The following NTNG1 variants were observed in gnomAD, a reference collection of about 807,000 sequenced individuals.
NTNG1 encodes netrin-G1.
A neutral mutation model predicts 54.0 loss-of-function variants in NTNG1; 16 were observed. The ratio of observed to expected loss-of-function variants is 0.30; its 90% confidence interval spans 0.20 to 0.45. NTNG1 has a LOEUF of 0.45. Ranked by LOEUF, NTNG1 falls within the 20% of genes least tolerant of loss-of-function variation. The pLI, the probability that NTNG1 is intolerant of heterozygous loss-of-function variation, is 1.00. For missense variants in NTNG1, 530 were observed against 678.7 expected, an observed-to-expected ratio of 0.78 and a Z score of 2.43; for synonymous variants, 255 against 263.1, an observed-to-expected ratio of 0.97 and a Z score of 0.30.
rs773974169 is a variant in NTNG1 at position 107,440,631 on chromosome 1, G to A, written c.1390+3832G>A. Among the ~76,000 whole-genome samples the A allele has an allele frequency of 1.2e-4, 19 of 152,092 alleles. No individual in the cohort carries two copies. In the East Asian group the frequency reaches 1.3e-3, roughly 11 times the overall value. Reference sequence around the variant, plus strand: ...CAAGAATCCATGTTCAAAAGCTTTCGTGCAATGTTACTGTAGAACTTGTTG... The same window carrying A: ...CAAGAATCCATGTTCAAAAGCTTTCATGCAATGTTACTGTAGAACTTGTTG... On this transcript the variant is annotated intron_variant, in intron 7 of 7. Transcript: ENST00000370068.
intron 3 of NTNG1, among the ~76,000 whole-genome samples, chr1:107,339,544 C>T (rs911661359): frequency 3.3e-5 from 5 of 151,988 alleles, no homozygotes; most frequent in African/African-American, 7.2e-5. Context: ...TCTGTTAATA[C>T]CATGCAGACA....
intron 3 of NTNG1, among the ~76,000 whole-genome samples, chr1:107,385,733 G>A (rs1350564269): frequency 6.6e-6 from 1 of 151,902 alleles, no homozygotes; most frequent in Non-Finnish European, 1.5e-5. Flanking sequence ...TAAGGAACTT[G>A]CCTAAAACTT....
intron 2 of NTNG1, among the ~76,000 whole-genome samples, chr1:107,154,266 GA>G (rs1321115226): frequency 1.3e-5 from 2 of 151,988 alleles, no homozygotes; most frequent in Admixed American, 1.3e-4. Context: ...CCAAATGCCA[GA>G]AAAGGAGAGA....
intron 2 of NTNG1, among the ~76,000 whole-genome samples, chr1:107,323,104 GAAA>G (rs758878388): frequency 7.6e-6 from 1 of 131,604 alleles, no homozygotes; most frequent in Non-Finnish European, 1.7e-5. Context: ...ACAGTATATG[GAAA>G]AAAAAAAAAA....
chr1:107,205,097 G>T (rs933361984), intron 2 of NTNG1, among the ~76,000 whole-genome samples: 1 of 152,158 alleles, frequency 6.6e-6, no homozygotes, highest in African/African-American at 2.4e-5. Context: ...CCCCAGAAGT[G>T]TCTCACTCTC....
chr1:107,257,361 T>C (rs1662997539), intron 2 of NTNG1, among the ~76,000 whole-genome samples: 1 of 152,216 alleles, frequency 6.6e-6, no homozygotes, highest in African/African-American at 2.4e-5. Flanking sequence ...TTTTGATATG[T>C]GTCCTTCCAA....
At chr1:107,226,029 T>C (rs1454619414) in intron 2 of NTNG1, among the ~76,000 whole-genome samples, 1 of 152,146 alleles carries the variant, frequency 6.6e-6, no homozygotes, top group African/African-American at 2.4e-5. Context: ...CTCATCTGTA[T>C]TTATAGACAA....
rs1251854756 is a variant in NTNG1 at position 107,484,890 on chromosome 1, G to A, written c.*4050G>A. Reference sequence around the variant, plus strand: ...TTGTTAAACACTAAATAAAATACCTGTTTAACAGATTCTCTGCTCACAGGA... The same window carrying A: ...TTGTTAAACACTAAATAAAATACCTATTTAACAGATTCTCTGCTCACAGGA... On this transcript the variant is annotated 3_prime_UTR_variant, in exon 8 of 8. Transcript: ENST00000370068. Among the ~76,000 whole-genome samples the A allele has an allele frequency of 6.6e-6, 1 of 152,212 alleles. No homozygotes were observed. Among genetic ancestry groups the A allele is most frequent in the Non-Finnish European group, 1.5e-5 (1 of 68,028 alleles).
At chr1:107,166,401 C>T (rs1237395424) in intron 2 of NTNG1, among the ~76,000 whole-genome samples, 1 of 152,116 alleles carries the variant, frequency 6.6e-6, no homozygotes, top group Admixed American at 6.6e-5. Context: ...TAATATACTA[C>T]CATCGTTTCT....
chr1:107,203,582 G>A (rs1287072501), intron 2 of NTNG1, among the ~76,000 whole-genome samples: 1 of 151,152 alleles, frequency 6.6e-6, no homozygotes, highest in African/African-American at 2.4e-5. Flanking sequence ...TACTGTGTGT[G>A]TGTGTGTGTA....
At chr1:107,263,253 A>G (rs575746451) in intron 2 of NTNG1, among the ~76,000 whole-genome samples, 1 of 151,652 alleles carries the variant, frequency 6.6e-6, no homozygotes, top group East Asian at 1.9e-4. Flanking sequence ...AAAAGCTAAT[A>G]ACAGTTCTAG....
chr1:107,407,923 C>T, intron 5 of NTNG1: 1 of 723,516 alleles, frequency 1.4e-6, no homozygotes, highest in Non-Finnish European at 2.6e-6. Context: ...CATGGCAGTG[C>T]TATGACTTTT....
intron 7 of NTNG1, among the ~76,000 whole-genome samples, chr1:107,438,321 C>T (rs923220042): frequency 2.0e-5 from 3 of 152,122 alleles, no homozygotes; most frequent in African/African-American, 4.8e-5. Flanking sequence ...GTCAAATAGT[C>T]AGAAGTCAGG....
At chr1:107,385,715 ATTGAGC>A (rs1479509537) in intron 3 of NTNG1, among the ~76,000 whole-genome samples, 1 of 152,088 alleles carries the variant, frequency 6.6e-6, no homozygotes, top group Admixed American at 6.6e-5. Flanking sequence ...GAGTAAGTAA[ATTGAGC>A]TTAAGGAACT....
intron 2 of NTNG1, among the ~76,000 whole-genome samples, chr1:107,185,940 G>A (rs951985077): frequency 5.3e-5 from 8 of 152,002 alleles, no homozygotes; most frequent in African/African-American, 1.9e-4. Flanking sequence ...TTCCATAGTG[G>A]TGAAGCTTGG....
Position 107,148,662 on chromosome 1 carries a change from C to T in NTNG1, c.69C>T (p.Tyr23=). The T allele has an allele frequency of 6.2e-7, 1 of 1,613,144 alleles. No homozygotes were observed. The highest frequency in any genetic ancestry group is 8.5e-7 in the Non-Finnish European group (1 of 1,179,234). ...CGGTGTCCTCAGTGATGCAGCCCTA[C>T]CCTTTGGTTTGGGGACATTATGATT... is the stretch of plus-strand genomic sequence containing the variant. ...WVTVSSVMQP[Y]PLVWGHYDLC... is the part of the protein sequence containing the mutation. Residue 23 remains tyrosine (Y), a synonymous_variant, in exon 2 of 8, where the codon TAC becomes TAT. Coordinates refer to ENST00000370068, the MANE Select transcript of NTNG1 (RefSeq NM_001113226.3).
intron 3 of NTNG1, among the ~76,000 whole-genome samples, chr1:107,370,287 A>T (rs1375203266): frequency 1.3e-5 from 2 of 149,808 alleles, no homozygotes; most frequent in Admixed American, 1.3e-4. Flanking sequence ...AAAGGAGAGG[A>T]TTACTTGAGA....
intron 2 of NTNG1, among the ~76,000 whole-genome samples, chr1:107,294,796 T>C (rs1665843416): frequency 1.3e-5 from 2 of 152,142 alleles, no homozygotes; most frequent in South Asian, 4.1e-4. Context: ...CCTCATACTT[T>C]TGCTGCTATC....
chr1:107,407,693 A>G lies in NTNG1; in HGVS notation c.1072A>G (p.Ile358Val). 1 of 1,607,696 alleles carries G rather than the reference A, an allele frequency of 6.2e-7. No individual in the cohort carries two copies. Among genetic ancestry groups the G allele is most frequent in the Non-Finnish European group, 8.5e-7 (1 of 1,176,340 alleles). The change falls in exon 5 of 8, where the codon ATT becomes GTT. Residue 358 changes from isoleucine (I) to valine (V), a missense_variant. Around this residue, in one of 2 missense-constraint regions of NTNG1, gnomAD observed 318 missense variants for 465.1 expected, o/e 0.68. Transcript: ENST00000370068. Reference sequence around the variant, plus strand: ...TTCTTTTTCTCCAGGTATCCCCAGTATTTCCAGTATTGGTAGTAAGTAAAA... The same window carrying G: ...TTCTTTTTCTCCAGGTATCCCCAGTGTTTCCAGTATTGGTAGTAAGTAAAA... ...KGTANTCIPSISSIGNCECFG... is the reference protein window; with the variant it reads ...KGTANTCIPSVSSIGNCECFG...
Sources: allele counts gnomAD v4.1 joint callset (sites outside exome capture counted in the v4.1 genomes callset), GRCh38; gene constraint gnomAD v4.1.1; regional missense constraint gnomAD v4.1.1; transcripts MANE v1.5; gene names NCBI Gene and HGNC (gene_info 2026-07-23, HGNC 2026-07-21).